Variants in KIAA1328 observed in about 807,000 individuals in gnomAD.
The protein encoded by KIAA1328 is KIAA1328.
In KIAA1328, 52 loss-of-function variants were observed where a neutral mutation model predicts 68.1. The observed-to-expected ratio is 0.76, with a 90% CI of 0.61 to 0.96. The LOEUF is 0.96. KIAA1328 is among the 40% of genes least tolerant of loss of function. The probability of loss-of-function intolerance (pLI) is 0.00; values close to 1 mark genes in which losing one functional copy is unlikely to be tolerated. For synonymous variants in KIAA1328, 232 were observed against 239.4 expected, an observed-to-expected ratio of 0.97 and a Z score of 0.28; for missense variants, 641 against 677.6, an observed-to-expected ratio of 0.95 and a Z score of 0.60.
At chr18:37,161,303 G>A (rs889195110) in intron 8 of KIAA1328, among the ~76,000 whole-genome samples, 1 of 152,156 alleles carries the variant, frequency 6.6e-6, no homozygotes, top group African/African-American at 2.4e-5. Context: ...TCTTGCAGGT[G>A]TATATCTCCC....
chr18:37,073,135 A>G (rs1015089864), intron 7 of KIAA1328, among the ~76,000 whole-genome samples: 2 of 152,248 alleles, frequency 1.3e-5, no homozygotes, highest in African/African-American at 4.8e-5. Flanking sequence ...TGCTGAAAGC[A>G]ATTGCAACAG....
intron 4 of KIAA1328, among the ~76,000 whole-genome samples, chr18:36,872,343 C>T (rs887699703): frequency 6.6e-6 from 1 of 151,782 alleles, no homozygotes; most frequent in Admixed American, 6.6e-5. Flanking sequence ...AACCAGGACC[C>T]CCACCATCAG....
At chr18:36,984,022 G>C (rs577600515) in intron 6 of KIAA1328, among the ~76,000 whole-genome samples, 8 of 152,138 alleles carry the variant, frequency 5.3e-5, no homozygotes, top group South Asian at 2.1e-4. Flanking sequence ...CATCTCAATA[G>C]GTCCAAATTT....
chr18:37,072,540 G>A (rs1266574316), intron 7 of KIAA1328, among the ~76,000 whole-genome samples: 2 of 151,880 alleles, frequency 1.3e-5, no homozygotes, highest in Non-Finnish European at 2.9e-5. Flanking sequence ...GCCAAATTTA[G>A]GAAGTTTTCT....
intron 6 of KIAA1328, among the ~76,000 whole-genome samples, chr18:37,029,556 G>T (rs548049368): frequency 2.1e-4 from 32 of 152,120 alleles, no homozygotes; most frequent in Non-Finnish European, 3.8e-4. Context: ...TGTAGAGACA[G>T]GGTTTCACCG....
chr18:37,089,031 C>T (rs1328231582), intron 7 of KIAA1328, among the ~76,000 whole-genome samples: 1 of 151,876 alleles, frequency 6.6e-6, no homozygotes, highest in Non-Finnish European at 1.5e-5. Flanking sequence ...AAATTGAACA[C>T]TTTTTTCTCA....
chr18:36,889,194 A>G (rs1249664961), intron 5 of KIAA1328, among the ~76,000 whole-genome samples: 5 of 152,238 alleles, frequency 3.3e-5, no homozygotes, highest in Non-Finnish European at 5.9e-5. Context: ...GAACTTAACC[A>G]TGTAAATGAA....
chr18:37,117,876 TAA>T (rs58489772), intron 7 of KIAA1328, among the ~76,000 whole-genome samples: 93 of 126,442 alleles, frequency 7.4e-4, no homozygotes, highest in Admixed American at 1.2e-3. Context: ...GTAGTTGGTT[TAA>T]AAAAAAAAAA....
rs1385000251 is a variant in KIAA1328, at chr18:37,067,284, C to G, written c.971C>G (p.Thr324Ser). The change falls in exon 7 of 10, where the codon ACC (threonine) becomes AGC (serine). Residue 324 changes from threonine (T) to serine (S), a missense_variant. By Grantham distance (58) the Thr-to-Ser change is moderately conservative. Transcript: ENST00000280020. ...CATGACAGCCATCCTACAAACATGA[C>G]CCCTCAACATCCTAAGACACATCCA... ...RVHDSHPTNM[T>S]PQHPKTHPES... The G allele has an allele frequency of 6.2e-7, 1 of 1,613,952 alleles. No individual in the cohort carries two copies. The highest frequency in any genetic ancestry group is 1.7e-5 in the Admixed American group (1 of 60,016).
At chr18:36,856,308 A>G (rs907592262) in intron 4 of KIAA1328, among the ~76,000 whole-genome samples, 3 of 151,860 alleles carry the variant, frequency 2.0e-5, no homozygotes, top group African/African-American at 7.3e-5. Flanking sequence ...GACTTCCATT[A>G]TATGCATGTT....
At chr18:37,016,825 G>T (rs2054169447) in intron 6 of KIAA1328, among the ~76,000 whole-genome samples, 1 of 151,822 alleles carries the variant, frequency 6.6e-6, no homozygotes, top group Non-Finnish European at 1.5e-5. Context: ...ACCTTTGTTG[G>T]TTCTGTTTGT....
chr18:37,020,973 A>G (rs1317178691), intron 6 of KIAA1328, among the ~76,000 whole-genome samples: 1 of 152,206 alleles, frequency 6.6e-6, no homozygotes, highest in Non-Finnish European at 1.5e-5. Context: ...AAGCTGCCTC[A>G]TTTTAAAGTG....
intron 9 of KIAA1328, among the ~76,000 whole-genome samples, chr18:37,219,220 C>T (rs1221584786): frequency 1.4e-4 from 22 of 152,186 alleles, no homozygotes. Context: ...TCTCAAGGGG[C>T]ACCCAGCTGT....
Position 37,067,515 on chromosome 18 carries a change from A to C in KIAA1328, c.1202A>C (p.Gln401Pro). 2 of 1,538,244 alleles carry C rather than the reference A, an allele frequency of 1.3e-6. No individual in the cohort carries two copies. The highest frequency in any genetic ancestry group is 8.7e-7 in the Non-Finnish European group (1 of 1,145,744). ...QETKLLLKQQ[Q>P]LHQSRLDYNC... is the part of the protein sequence containing the mutation. ...ACAAAGCTTCTTCTAAAACAGCAGCAGCTTCACCAGTCTCGACTGGATTAC... is the reference window on the plus strand; with the variant it reads ...ACAAAGCTTCTTCTAAAACAGCAGCCGCTTCACCAGTCTCGACTGGATTAC... The change falls in exon 7 of 10, where the codon CAG becomes CCG. Residue 401 changes from glutamine to proline, a missense_variant. Physicochemically the swap from Gln to Pro is moderately conservative, Grantham distance 76. Transcript: ENST00000280020.
At chr18:37,158,318 A>T (rs1041539862) in intron 7 of KIAA1328, among the ~76,000 whole-genome samples, 1 of 152,108 alleles carries the variant, frequency 6.6e-6, no homozygotes. Context: ...ATGCATTTTC[A>T]TTTTGTGTTG....
chr18:37,224,793 G>T lies in KIAA1328; in HGVS notation c.*2566G>T. 1.0e-6 allele frequency: 1 copy of T among 985,382 alleles called. No homozygotes were observed. The highest frequency in any genetic ancestry group is 1.2e-6 in the Non-Finnish European group (1 of 829,942). The allele number at this position is 985,382 out of a possible 1,614,324, so 61.0% of individuals were successfully genotyped here. ...AAGCAAGACTGGACACATGCCGAGG[G>T]CGTTGCGGATAGTGCCTCACCATTG... On this transcript the variant is annotated 3_prime_UTR_variant, in exon 10 of 10. Coordinates refer to ENST00000280020, the MANE Select transcript of KIAA1328 (RefSeq NM_020776.3).
intron 4 of KIAA1328, among the ~76,000 whole-genome samples, chr18:36,879,708 T>G (rs1375092438): frequency 4.6e-5 from 7 of 152,208 alleles, no homozygotes; most frequent in Admixed American, 2.0e-4. Context: ...GCTGCCTTTC[T>G]TTCAGAGATG....
intron 5 of KIAA1328, among the ~76,000 whole-genome samples, chr18:36,926,397 ATTTAT>A (rs2050120955): frequency 1.4e-5 from 2 of 147,118 alleles, no homozygotes; most frequent in African/African-American, 4.9e-5. Flanking sequence ...TTATTTATTT[ATTTAT>A]TTATTTATTT....
chr18:36,916,970 A>AAAAAC (rs915418783), intron 5 of KIAA1328, among the ~76,000 whole-genome samples: 1 of 151,934 alleles, frequency 6.6e-6, no homozygotes, highest in African/African-American at 2.4e-5. Context: ...GTCCACTATT[A>AAAAAC]AAAACAAAAC....
Sources: allele counts gnomAD v4.1 joint callset (sites outside exome capture counted in the v4.1 genomes callset), GRCh38; gene constraint gnomAD v4.1.1; transcripts MANE v1.5; gene names NCBI Gene and HGNC (gene_info 2026-07-23, HGNC 2026-07-21).